Variants in TRAPPC3 observed in about 807,000 individuals in gnomAD.
The protein encoded by TRAPPC3 is trafficking protein particle complex 3.
A neutral mutation model predicts 18.2 loss-of-function variants in TRAPPC3; 5 were observed. That is an observed-to-expected ratio of 0.28 (90% CI 0.14 to 0.58). The LOEUF (loss-of-function observed/expected upper bound fraction) is 0.58. Among genes scored for constraint, TRAPPC3 ranks in the 20% least tolerant of loss-of-function variants. The pLI is 0.91. For missense variants in TRAPPC3, 176 were observed against 225.9 expected (o/e 0.78, Z 1.41); for synonymous variants, 65 against 84.2 (o/e 0.77, Z 1.25).
intron 1 of TRAPPC3, among the ~76,000 whole-genome samples, chr1:36,142,034 G>GA (rs966512860): frequency 6.8e-6 from 1 of 146,824 alleles, no homozygotes; most frequent in African/African-American, 2.5e-5. Context: ...AATTTGGGGA[G>GA]AAAAAAAATC....
upstream of TRAPPC3, chr1:36,149,497 G>A (rs1644251504): frequency 2.3e-6 from 3 of 1,328,034 alleles, no homozygotes; most frequent in East Asian, 2.5e-5. Context: ...GACTCACTGC[G>A]CCTGCGCGGC....
At chr1:36,152,295 CTT>C (rs11364641), upstream of TRAPPC3, among the ~76,000 whole-genome samples, 953 of 135,456 alleles carry the variant, frequency 7.0e-3, 10 homozygotes, top group African/African-American at 0.022. Context: ...ATTTCTTTTT[CTT>C]TTTTTTTTTT....
At chr1:36,142,212 A>T (rs1369908651) in intron 1 of TRAPPC3, among the ~76,000 whole-genome samples, 4 of 152,192 alleles carry the variant, frequency 2.6e-5, no homozygotes, top group Admixed American at 6.5e-5. Flanking sequence ...TTTGAACTCA[A>T]ATAAACAGTC....
intron 1 of TRAPPC3, among the ~76,000 whole-genome samples, chr1:36,145,555 G>C (rs1644181677): frequency 6.6e-6 from 1 of 152,134 alleles, no homozygotes. Context: ...GTCACAGTAA[G>C]CCAACGCAAG....
intron 3 of TRAPPC3, chr1:36,138,335 G>T: frequency 7.3e-7 from 1 of 1,362,764 alleles, no homozygotes; most frequent in Non-Finnish European, 1.0e-6. Context: ...TGAGTGCAGA[G>T]GCCCTAACCC....
chr1:36,139,922 C>T, intron 2 of TRAPPC3, 103 bp from the exon 3 acceptor site: 1 of 1,531,610 alleles, frequency 6.5e-7, no homozygotes, highest in South Asian at 1.2e-5. Flanking sequence ...ATCTCAAAAA[C>T]ATCCCAGTAA....
rs1644049073 is a variant in TRAPPC3, at chr1:36,137,882, C to A, written c.337G>T (p.Val113Leu). 3 of 1,614,044 alleles carry A rather than the reference C, an allele frequency of 1.9e-6. No individual in the cohort carries two copies. Among genetic ancestry groups the A allele is most frequent in the Non-Finnish European group, 2.5e-6 (3 of 1,180,050 alleles). ...FSLILENNPL[V>L]DFVELPDNHS... ...TTATCAGGAAGTTCCACAAAGTCCA[C>A]CAAGGGGTTATTTTCCAAAATGAGG... Residue 113 changes from valine to leucine, a missense_variant, in exon 4 of 5, where the codon GTG becomes TTG. By Grantham distance (32) the Val-to-Leu change is conservative. Around this residue, in one of 2 missense-constraint regions of TRAPPC3, gnomAD observed 147 missense variants for 164.3 expected, o/e 0.89. Coordinates refer to ENST00000373166, the MANE Select transcript of TRAPPC3 (RefSeq NM_014408.5).
At chr1:36,139,547 G>T in intron 3 of TRAPPC3, 173 bp downstream of exon 3, 1 of 798,038 alleles carries the variant, frequency 1.3e-6, no homozygotes, top group Non-Finnish European at 1.9e-6. Flanking sequence ...AATCCACAGG[G>T]ATTAAATAAT....
chr1:36,149,009 A>G, intron 1 of TRAPPC3: 2 of 1,179,334 alleles, frequency 1.7e-6, no homozygotes, highest in Non-Finnish European at 2.2e-6. Flanking sequence ...TCTGCAGATT[A>G]ACTGAGATGC....
chr1:36,149,226 C>T (rs889648631), intron 1 of TRAPPC3, 111 bp downstream of exon 1: 3 of 1,551,216 alleles, frequency 1.9e-6, no homozygotes, highest in Non-Finnish European at 2.6e-6. Context: ...TTCCCCTTGC[C>T]AGAGCTCACA....
intron 3 of TRAPPC3, chr1:36,138,300 C>G: frequency 6.6e-7 from 1 of 1,525,830 alleles, no homozygotes; most frequent in Non-Finnish European, 8.8e-7. Flanking sequence ...GAAGGGAGCA[C>G]TAGTCTTTCG....
chr1:36,149,122 C>A lies in TRAPPC3; in HGVS notation c.42+215G>T, dbSNP rs571116138. 2.7e-5 allele frequency: 39 copies of A among 1,445,508 alleles called. 1 individual carries two copies. The South Asian group carries it at 4.7e-4, about 17-fold the overall frequency. The allele number at this position is 1,445,508 out of a possible 1,614,324, so 89.5% of individuals were successfully genotyped here. A position where few individuals can be genotyped will look rare whatever the true frequency, so the allele number is the denominator to read the frequency against. On this transcript the variant is annotated intron_variant, in intron 1 of 4. Transcript: ENST00000373166. Reference sequence around the variant, plus strand: ...TTGTTGTTGGCTTAGCACAGAGCTGCACTCAGGCCTTGGGGGCGGGGTCTC... The same window carrying A: ...TTGTTGTTGGCTTAGCACAGAGCTGAACTCAGGCCTTGGGGGCGGGGTCTC...
intron 1 of TRAPPC3, among the ~76,000 whole-genome samples, chr1:36,143,258 G>C (rs990923179): frequency 6.6e-6 from 1 of 150,844 alleles, no homozygotes; most frequent in African/African-American, 2.4e-5. Flanking sequence ...TGTGTTGGGG[G>C]GGTGGTTAAT....
intron 3 of TRAPPC3, among the ~76,000 whole-genome samples, chr1:36,138,520 A>G (rs1644059236): frequency 6.6e-6 from 1 of 152,180 alleles, no homozygotes; most frequent in Non-Finnish European, 1.5e-5. Flanking sequence ...CTTACAACAG[A>G]AAGACCAACT....
intron 1 of TRAPPC3, among the ~76,000 whole-genome samples, chr1:36,146,911 G>C (rs747783401): frequency 2.0e-5 from 3 of 152,152 alleles, no homozygotes; most frequent in Non-Finnish European, 4.4e-5. Flanking sequence ...TGGACAAAAG[G>C]GCTGTTTCTG....
chr1:36,139,776 G>A lies in TRAPPC3; in HGVS notation c.184C>T (p.Arg62Trp), dbSNP rs751375244. Residue 62 changes from arginine (R) to tryptophan (W), a missense_variant, in exon 3 of 5, where the codon CGG becomes TGG. This residue lies in a region of TRAPPC3 where 147 missense variants were observed against 164.3 expected (regional missense o/e 0.89). Transcript: ENST00000373166. ...GVRLIEDFLA[R>W]SNVGRCHDFR... ...TCATGGCACCTCCCAACATTTGACC[G>A]AGCCAAGAAATCTTCAATCAGCCGG... 27 of 1,613,966 alleles carry A rather than the reference G, an allele frequency of 1.7e-5. No homozygotes were observed. The highest frequency in any genetic ancestry group is 4.5e-5 in the East Asian group (2 of 44,888).
chr1:36,149,237 G>C, intron 1 of TRAPPC3, 100 bp downstream of exon 1: 1 of 1,567,266 alleles, frequency 6.4e-7, no homozygotes, highest in Non-Finnish European at 8.6e-7. Context: ...AGAGCTCACA[G>C]GAAGGCCCTT....
chr1:36,154,583 G>C (rs112839733), intron 1 of TRAPPC3, among the ~76,000 whole-genome samples: 6 of 152,086 alleles, frequency 3.9e-5, no homozygotes, highest in Non-Finnish European at 8.8e-5. Flanking sequence ...CCACCCTGCA[G>C]ATAAGATGAC....
upstream of TRAPPC3, among the ~76,000 whole-genome samples, chr1:36,152,690 G>T (rs12075348): frequency 6.6e-6 from 1 of 151,258 alleles, no homozygotes; most frequent in Non-Finnish European, 1.5e-5. Context: ...GGTCTCTGTC[G>T]TCCAGGCTGG....
Sources: gnomAD v4.1 joint callset for allele counts (sites outside exome capture counted in the v4.1 genomes callset) on GRCh38, gnomAD v4.1.1 for gene constraint, gnomAD v4.1.1 regional missense constraint, MANE v1.5 for transcripts, NCBI Gene and HGNC (gene_info 2026-07-23, HGNC 2026-07-21) for gene names.